ST6GALNAC2: variants seen among roughly 807,000 people sequenced by gnomAD.
The protein encoded by ST6GALNAC2 is ST6 N-acetylgalactosaminide alpha-2,6-sialyltransferase 2, also known as alpha-N-acetylgalactosaminide alpha-2,6-sialyltransferase 2.
A neutral mutation model predicts 38.7 loss-of-function variants in ST6GALNAC2; 42 were observed. The ratio of observed to expected loss-of-function variants is 1.09; its 90% CI spans 0.85 to 1.40. ST6GALNAC2 has a LOEUF of 1.40. ST6GALNAC2 is among the 40% of genes most tolerant of loss of function. The pLI, the probability that ST6GALNAC2 is intolerant of heterozygous loss-of-function variation, is 0.00. For missense variants in ST6GALNAC2, 506 were observed against 481.7 expected, an observed-to-expected ratio of 1.05 and a Z score of -0.47; for synonymous variants, 233 against 209.0, an observed-to-expected ratio of 1.11 and a Z score of -0.99.
Position 76,574,622 on chromosome 17 carries a change from C to A in ST6GALNAC2, c.187-83G>T, listed in dbSNP as rs572835570. 3.2e-6 allele frequency: 4 copies of A among 1,256,114 alleles called. No individual in the cohort carries two copies. The Admixed American group carries it at 1.1e-4, about 33-fold the overall frequency. 77.8% of individuals were successfully genotyped at this position (1,256,114 alleles called of 1,614,324 possible). On this transcript the variant is annotated intron_variant, in intron 2 of 8. Coordinates refer to ENST00000225276, the MANE Select transcript of ST6GALNAC2 (RefSeq NM_006456.3). ...CCCTGCAGACCCTGCAGGGGAGTTG[C>A]GAGTTGTGAGGGAAGGCCTGCCCTG...
chr17:76,572,440 C>T (rs563066137), intron 5 of ST6GALNAC2, among the ~76,000 whole-genome samples, 197 bp downstream of exon 5: 3 of 152,284 alleles, frequency 2.0e-5, no homozygotes, highest in Non-Finnish European at 2.9e-5. Flanking sequence ...AGAGGAGTCC[C>T]GTGACGCCTG....
rs376860284 is a variant in ST6GALNAC2, at chr17:76,570,706, G to C, written c.670-38C>G. 680 of 1,527,752 alleles carry C rather than the reference G, an allele frequency of 4.5e-4. 1 individual carries two copies. The highest frequency in any genetic ancestry group is 5.5e-4 in the Non-Finnish European group (617 of 1,113,992). The allele number at this position is 1,527,752 out of a possible 1,614,324, so 94.6% of individuals were successfully genotyped here. A position where few individuals can be genotyped will look rare whatever the true frequency, so the allele number is the denominator to read the frequency against. On this transcript the variant is annotated intron_variant, in intron 5 of 8. Coordinates refer to ENST00000225276, the MANE Select transcript of ST6GALNAC2 (RefSeq NM_006456.3). The stretch of plus-strand genomic sequence containing the variant: ...AGACAATGAGCCCAGAGGGGAACCA[G>C]GACATGTTTAGCTCCTCAGTGTGGA...
chr17:76,585,765 A>G lies in ST6GALNAC2; in HGVS notation c.44T>C (p.Leu15Pro). 7 of 1,553,930 alleles carry G rather than the reference A, an allele frequency of 4.5e-6. No individual in the cohort carries two copies. The highest frequency in any genetic ancestry group is 1.2e-5 in the South Asian group (1 of 84,472). The change falls in exon 1 of 9, where the codon CTC becomes CCC. Residue 15 changes from leucine to proline, a missense_variant. Transcript: ENST00000225276. ...GAGGAGCCCCGAGCAGGCAGCCGTG[A>G]GCAGGAGCAGCAGCCAGAAGAACGA... ...RGSFFWLLLL[L>P]TAACSGLLFA...
chr17:76,568,391 G>C (rs1383806098), intron 7 of ST6GALNAC2: 2 of 384,696 alleles, frequency 5.2e-6, no homozygotes, highest in Admixed American at 4.1e-5. Flanking sequence ...TGAAGGTTCT[G>C]ATGCCCTGCT....
chr17:76,568,968 G>T, intron 6 of ST6GALNAC2, 172 bp from the exon 7 acceptor site: 1 of 611,158 alleles, frequency 1.6e-6, no homozygotes, highest in Non-Finnish European at 2.9e-6. Context: ...GTACGTTGGG[G>T]ACCACGTGCG....
In ST6GALNAC2 at chr17:76,574,493, G is replaced by A. The variant is rs1164391556; in HGVS notation, c.233C>T (p.Pro78Leu). Residue 78 changes from proline (P) to leucine (L), a missense_variant, in exon 3 of 9, where the codon CCC (proline) becomes CTC (leucine). Coordinates refer to ENST00000225276, the MANE Select transcript of ST6GALNAC2 (RefSeq NM_006456.3). ...HLLHLAIQRH[P>L]HFRGLFNLSI... ...GAGATTGAACAGGCCACGGAAGTGG[G>A]GGTGCCGCTGAATGGCCAGGTGAAG... 5 of 1,613,656 alleles carry A rather than the reference G, an allele frequency of 3.1e-6. No individual in the cohort carries two copies. Among genetic ancestry groups the A allele is most frequent in the Non-Finnish European group, 4.2e-6 (5 of 1,179,954 alleles).
chr17:76,581,207 C>A (rs947974765), intron 1 of ST6GALNAC2, among the ~76,000 whole-genome samples: 13 of 152,196 alleles, frequency 8.5e-5, no homozygotes, highest in African/African-American at 3.1e-4. Context: ...TCCCTTCCCC[C>A]ATCCCTCCCT....
rs189413173 is a variant in ST6GALNAC2 at position 76,573,305 on chromosome 17, C to T, written c.420G>A (p.Pro140=). 150 of 1,593,676 alleles carry T rather than the reference C, an allele frequency of 9.4e-5. No individual in the cohort carries two copies. The East Asian group carries it at 3.0e-3, about 32-fold the overall frequency. The change falls in exon 4 of 9, where the codon CCG becomes CCA. Residue 140 remains proline (P), a synonymous_variant. Coordinates refer to ENST00000225276, the MANE Select transcript of ST6GALNAC2 (RefSeq NM_006456.3). This position sits in a 1 kb window ranked among gnomAD's most constrained non-coding sequence, Gnocchi z 5.1. ...TACACTTTGGAGGGGTGTCCCTGGG[C>T]GGGGCAAACAGCTTGGCACTCTCTG... The part of the protein sequence containing the change: ...NGSESAKLFA[P]PRDTPPKCIR...
At chr17:76,569,577 AAT>A in intron 6 of ST6GALNAC2, 1 of 393,092 alleles carries the variant, frequency 2.5e-6, no homozygotes, top group East Asian at 3.6e-5. Context: ...GAGGGGTGAC[AAT>A]GTTGTTGGAA....
chr17:76,567,727 T>C (rs2075302657), intron 7 of ST6GALNAC2, 175 bp from the exon 8 acceptor site: 2 of 545,858 alleles, frequency 3.7e-6, no homozygotes, highest in South Asian at 2.3e-5. Context: ...TTAGGTAAGG[T>C]TGGGGGAGGG....
chr17:76,568,504 G>C (rs1387250455), intron 7 of ST6GALNAC2: 2 of 596,974 alleles, frequency 3.4e-6, no homozygotes, highest in Non-Finnish European at 6.0e-6. Context: ...TCCATTTCCT[G>C]GTGACTGACA....
chr17:76,582,792 T>G (rs1157185288), intron 1 of ST6GALNAC2, among the ~76,000 whole-genome samples: 2 of 152,148 alleles, frequency 1.3e-5, no homozygotes, highest in Non-Finnish European at 2.9e-5. Context: ...TCATGTGGCC[T>G]GCCGGCTCTG....
chr17:76,566,156 G>A lies in ST6GALNAC2; in HGVS notation c.1073C>T (p.Ala358Val), dbSNP rs1008879829. Residue 358 changes from alanine (A) to valine (V), a missense_variant, in exon 9 of 9, where the codon GCC (alanine) becomes GTC (valine). Coordinates refer to ENST00000225276, the MANE Select transcript of ST6GALNAC2 (RefSeq NM_006456.3). ...YANHDLSLEA[A>V]LWRDLHKAGI... ...GGCCTTGTGCAGGTCCCTCCACAGG[G>A]CAGCTTCCAGGGACAGATCGTGGTT... The A allele has an allele frequency of 5.0e-6, 8 of 1,614,012 alleles. No homozygotes were observed. Among genetic ancestry groups the A allele is most frequent in the African/African-American group, 1.3e-5 (1 of 74,940 alleles).
intron 5 of ST6GALNAC2, among the ~76,000 whole-genome samples, chr17:76,571,604 A>G (rs1688144196): frequency 6.6e-6 from 1 of 152,232 alleles, no homozygotes; most frequent in Non-Finnish European, 1.5e-5. Flanking sequence ...AAAACAAAAC[A>G]AAAGTCTAAA....
intron 7 of ST6GALNAC2, chr17:76,568,205 C>T (rs11869437): frequency 0.018 from 3,018 of 164,366 alleles, 103 homozygotes; most frequent in African/African-American, 0.067. Flanking sequence ...TTGTGATGTT[C>T]AGCAGCATCC....
chr17:76,569,003 C>CGGG, intron 6 of ST6GALNAC2: 1 of 460,808 alleles, frequency 2.2e-6, no homozygotes, highest in Non-Finnish European at 3.8e-6. Flanking sequence ...AGGACCTCCA[C>CGGG]GGGCGGGGTG....
At position 76,577,946 on chromosome 17, in the gene ST6GALNAC2, G is replaced by T. The variant is rs1020493496; in HGVS notation, c.186+810C>A. 3.3e-5 allele frequency among the ~76,000 whole-genome samples: 5 copies of T among 152,194 alleles called. No individual in the cohort carries two copies. The East Asian group carries it at 5.8e-4, about 18-fold the overall frequency. ...TGTGTCTCTGAACAGCTTGGCTGTC[G>T]CTAAGCTCTAGCATGCAGTGAAATC... On this transcript the variant is annotated intron_variant, in intron 2 of 8. Coordinates refer to ENST00000225276, the MANE Select transcript of ST6GALNAC2 (RefSeq NM_006456.3).
Position 76,566,215 on chromosome 17 carries a change from G to A in ST6GALNAC2, c.1014C>T (p.Phe338=), listed in dbSNP as rs776940931. Residue 338 remains phenylalanine, a synonymous_variant, in exon 9 of 9, where the codon TTC becomes TTT. Transcript: ENST00000225276. The part of the protein sequence containing the change: ...SNYWKFSDHY[F]ERKMKPLIFY... ...ATATCAATGGCTTCATTTTTCGTTCGAAATAGTGGTCGGAAAATTTCCAGT... is the reference window on the plus strand; with the variant it reads ...ATATCAATGGCTTCATTTTTCGTTCAAAATAGTGGTCGGAAAATTTCCAGT... 64 of 1,613,998 alleles carry A rather than the reference G, an allele frequency of 4.0e-5. No homozygotes were observed. The highest frequency in any genetic ancestry group is 3.3e-4 in the Admixed American group (20 of 59,992).
At chr17:76,568,606 T>C in intron 7 of ST6GALNAC2, 107 bp downstream of exon 7, 1 of 1,045,784 alleles carries the variant, frequency 9.6e-7, no homozygotes, top group South Asian at 1.3e-5. Flanking sequence ...GGAGCTCTGG[T>C]TATCGGTCAG....
Sources: gnomAD v4.1 joint callset for allele counts (sites outside exome capture counted in the v4.1 genomes callset) on GRCh38, gnomAD v4.1.1 for gene constraint, Gnocchi (gnomAD v3.1) non-coding constraint, MANE v1.5 for transcripts, NCBI Gene and HGNC (gene_info 2026-07-23, HGNC 2026-07-21) for gene names.